Variants in ZNF44 observed in about 807,000 individuals in gnomAD.
The protein encoded by ZNF44 is zinc finger protein 44.
ZNF44 carries 9 observed loss-of-function variants against 11.7 expected under a neutral mutation model. The observed-to-expected ratio is 0.77, with a 90% confidence interval of 0.46 to 1.35. The LOEUF is 1.35. Ranked by LOEUF, ZNF44 falls within the 40% of genes most tolerant of loss-of-function variation. The probability of loss-of-function intolerance (pLI) is 0.00; values close to 1 mark genes in which losing one functional copy is unlikely to be tolerated. For missense variants in ZNF44, 696 were observed against 743.1 expected, an observed-to-expected ratio of 0.94 and a Z score of 0.74; for synonymous variants, 224 against 242.7, an observed-to-expected ratio of 0.92 and a Z score of 0.72.
At chr19:12,276,541 G>A (rs1967227801) in intron 1 of ZNF44, among the ~76,000 whole-genome samples, 1 of 152,156 alleles carries the variant, frequency 6.6e-6, no homozygotes, top group South Asian at 2.1e-4. Flanking sequence ...TAATAAAGGG[G>A]GTGGAGTGTG....
At position 12,233,190 on chromosome 19, in the gene ZNF44, G is replaced by A. The variant is rs80349571; in HGVS notation, n.380+1477C>T. On this transcript the variant is annotated intron_variant and non_coding_transcript_variant, in intron 2 of 3. Transcript: ENST00000597563. Reference sequence around the variant, plus strand: ...TGCCAGCCCTGAGAAACCCCCCTCCGGCCAGAAAGATGTCTGCCCCAAAAT... The same window carrying A: ...TGCCAGCCCTGAGAAACCCCCCTCCAGCCAGAAAGATGTCTGCCCCAAAAT... Among the ~76,000 whole-genome samples the A allele has an allele frequency of 9.7e-3, 1,468 of 151,760 alleles. 14 individuals carry two copies. Among genetic ancestry groups the A allele is most frequent in the African/African-American group, 0.03 (1,244 of 41,360 alleles).
rs186307091 is a variant in ZNF44 at position 12,253,909 on chromosome 19, G to A, written c.1913-3541C>T. 1.8e-4 allele frequency among the ~76,000 whole-genome samples: 27 copies of A among 152,246 alleles called. No homozygotes were observed. The East Asian group carries it at 5.0e-3, about 28-fold the overall frequency. On this transcript the variant is annotated intron_variant and NMD_transcript_variant, in intron 5 of 7. Transcript: ENST00000393337. Reference sequence around the variant, plus strand: ...CAGGAGAATCGCTTGAACCCGGGAGGCAGGGGTTACAGTGGGCCCAGATCG... The same window carrying A: ...CAGGAGAATCGCTTGAACCCGGGAGACAGGGGTTACAGTGGGCCCAGATCG...
intron 7 of ZNF44, among the ~76,000 whole-genome samples, chr19:12,249,688 G>C (rs1024406620): frequency 7.2e-5 from 11 of 152,054 alleles, no homozygotes; most frequent in African/African-American, 2.7e-4. Flanking sequence ...AAGTAGCTGG[G>C]ATTACAGGCA....
downstream of ZNF44, among the ~76,000 whole-genome samples, chr19:12,269,136 T>G (rs1477495383): frequency 7.2e-6 from 1 of 139,418 alleles, no homozygotes; most frequent in Non-Finnish European, 1.5e-5. Context: ...CTGGATACAC[T>G]GACTGTCTGC....
chr19:12,236,725 C>T (rs1461824916), intron 1 of ZNF44, among the ~76,000 whole-genome samples: 1 of 152,214 alleles, frequency 6.6e-6, no homozygotes, highest in Admixed American at 6.5e-5. Context: ...ACTTTCACCA[C>T]ATACTTGCTT....
chr19:12,253,168 C>T (rs377414035), intron 5 of ZNF44, among the ~76,000 whole-genome samples: 3 of 147,844 alleles, frequency 2.0e-5, no homozygotes, highest in East Asian at 2.0e-4. Flanking sequence ...GGATTACAGG[C>T]GTAAGCCACT....
rs1217646342 is a variant in ZNF44 at position 12,228,249 on chromosome 19, T to G, written n.437-1722A>C. Among the ~76,000 whole-genome samples the G allele has an allele frequency of 2.6e-5, 4 of 152,354 alleles. No homozygotes were observed. The South Asian group carries it at 8.3e-4, about 32-fold the overall frequency. ...AAAAATCCACATTCTCATGCCTCCTTATAATCTTTTTACCAAAAGTGTATT... is the reference window on the plus strand; with the variant it reads ...AAAAATCCACATTCTCATGCCTCCTGATAATCTTTTTACCAAAAGTGTATT... On this transcript the variant is annotated intron_variant and non_coding_transcript_variant, in intron 3 of 3. Coordinates refer to the ZNF44 transcript ENST00000597563.
chr19:12,278,954 T>C (rs1476286283), intron 1 of ZNF44, among the ~76,000 whole-genome samples: 5 of 152,202 alleles, frequency 3.3e-5, no homozygotes, highest in Admixed American at 2.6e-4. Context: ...AAGGCTACAG[T>C]AGTAAATACT....
chr19:12,287,054 A>ATG (rs1967791859), intron 1 of ZNF44, among the ~76,000 whole-genome samples: 1 of 38,252 alleles, frequency 2.6e-5, no homozygotes, highest in Non-Finnish European at 4.6e-5. Context: ...CACGTATAAT[A>ATG]TATATATATA....
At chr19:12,234,722 G>A (rs892566930) in exon 2 of ZNF44, 1 of 152,164 alleles carries the variant, frequency 6.6e-6, no homozygotes, top group Non-Finnish European at 1.5e-5. Flanking sequence ...GATTCTTCAC[G>A]GAAAAATCCA....
At chr19:12,262,250 A>C (rs1917536167) in intron 5 of ZNF44, among the ~76,000 whole-genome samples, 1 of 152,152 alleles carries the variant, frequency 6.6e-6, no homozygotes, top group Non-Finnish European at 1.5e-5. Context: ...TTATCAATTA[A>C]AATAAAAATT....
intron 1 of ZNF44, among the ~76,000 whole-genome samples, chr19:12,289,686 C>T (rs1299053955): frequency 1.3e-5 from 2 of 148,928 alleles, no homozygotes; most frequent in African/African-American, 5.0e-5. Context: ...GTTCTGTCGC[C>T]CAGGCTGAAG....
intron 2 of ZNF44, among the ~76,000 whole-genome samples, chr19:12,231,100 G>A (rs1279301516): frequency 6.6e-6 from 1 of 152,098 alleles, no homozygotes; most frequent in African/African-American, 2.4e-5. Context: ...GTCCACGATG[G>A]TGATGCTTCT....
chr19:12,236,464 G>C (rs762242333), intron 1 of ZNF44, among the ~76,000 whole-genome samples: 9 of 152,128 alleles, frequency 5.9e-5, no homozygotes, highest in Non-Finnish European at 1.0e-4. Flanking sequence ...TTTCCACCTG[G>C]ATAGACCTGT....
chr19:12,250,875 A>G (rs556133460), intron 5 of ZNF44: 115 of 452,684 alleles, frequency 2.5e-4, no homozygotes, highest in Middle Eastern at 2.3e-3. Context: ...TATTGTCCTG[A>G]GGTACTCTAG....
chr19:12,260,273 C>A (rs1599510689), intron 5 of ZNF44: 3 of 834,556 alleles, frequency 3.6e-6, no homozygotes, highest in South Asian at 1.4e-5. Context: ...AGACTGTGGG[C>A]GTGGAGCCGG....
chr19:12,286,642 A>G (rs962152667), intron 1 of ZNF44, among the ~76,000 whole-genome samples: 1 of 149,312 alleles, frequency 6.7e-6, no homozygotes, highest in African/African-American at 2.5e-5. Context: ...GTCTCAAAAA[A>G]AAGAAAGAAA....
chr19:12,282,041 T>C (rs1287725293), intron 1 of ZNF44, among the ~76,000 whole-genome samples: 1 of 152,192 alleles, frequency 6.6e-6, no homozygotes, highest in Admixed American at 6.6e-5. Flanking sequence ...AAGGCCAACA[T>C]TGCCCTAACA....
intron 3 of ZNF44, among the ~76,000 whole-genome samples, chr19:12,228,525 C>G (rs561045630): frequency 6.6e-6 from 1 of 152,274 alleles, no homozygotes; most frequent in African/African-American, 2.4e-5. Flanking sequence ...GAGGCCTAAT[C>G]ACTTTTAAAT....
Sources: allele counts gnomAD v4.1 joint callset (sites outside exome capture counted in the v4.1 genomes callset), GRCh38; gene constraint gnomAD v4.1.1; transcripts MANE v1.5; gene names NCBI Gene and HGNC (gene_info 2026-07-23, HGNC 2026-07-21).